Variants in RUFY4 observed in about 807,000 individuals in gnomAD.
RUFY4 encodes the protein RUN and FYVE domain containing 4.
Under a neutral mutation model 69.0 loss-of-function variants are expected in RUFY4, and 73 were observed. The ratio of observed to expected loss-of-function variants is 1.06; its 90% CI spans 0.88 to 1.29. The LOEUF (loss-of-function observed/expected upper bound fraction) is 1.29. RUFY4 is among the 50% of genes most tolerant of loss of function. The pLI is 0.00. For synonymous variants in RUFY4, 287 were observed against 271.8 expected (o/e 1.06, Z -0.55); for missense variants, 770 against 705.6 (o/e 1.09, Z -1.03).
chr2:218,069,824 A>G (rs1233568126), upstream of RUFY4, among the ~76,000 whole-genome samples: 1 of 152,110 alleles, frequency 6.6e-6, no homozygotes, highest in African/African-American at 2.4e-5. Context: ...GGATCTCAGA[A>G]TAAGGCCACC....
At chr2:218,082,769 T>A (rs1284847859) in intron 8 of RUFY4, among the ~76,000 whole-genome samples, 3 of 151,916 alleles carry the variant, frequency 2.0e-5, no homozygotes, top group Admixed American at 1.3e-4. Context: ...ATGTGTTGTG[T>A]GTATTGTGTT....
At chr2:218,087,147 C>T (rs766937524) in intron 9 of RUFY4, among the ~76,000 whole-genome samples, 1 of 151,910 alleles carries the variant, frequency 6.6e-6, no homozygotes, top group Admixed American at 6.6e-5. Context: ...AGAAACAGAA[C>T]ATAAATGCTA....
chr2:218,042,810 CA>C lies in RUFY4; in HGVS notation c.-1158+7425del, dbSNP rs1272555934. 4.0e-5 allele frequency among the ~76,000 whole-genome samples: 6 copies of C among 149,310 alleles called. No individual in the cohort carries two copies. The East Asian group carries it at 9.8e-4, about 24-fold the overall frequency. On this transcript the variant is annotated intron_variant and NMD_transcript_variant, in intron 2 of 13. Coordinates refer to the RUFY4 transcript ENST00000457754. ...TCCAGTTTATAGGGAGATAAAACTT[CA>C]AAAAAAAATGAACAGGACCAGAATT... is the stretch of plus-strand genomic sequence containing the variant.
At chr2:218,066,679 C>T (rs188287738), upstream of RUFY4, among the ~76,000 whole-genome samples, 505 of 152,352 alleles carry the variant, frequency 3.3e-3, 3 homozygotes, top group African/African-American at 0.011. Context: ...TCTTACATTA[C>T]GTGCCACATG....
chr2:218,062,215 T>C (rs569151818), intron 3 of RUFY4, among the ~76,000 whole-genome samples: 15 of 151,466 alleles, frequency 9.9e-5, no homozygotes, highest in South Asian at 8.3e-4. Context: ...CTGGCTAACA[T>C]GGTGAAACCC....
chr2:218,075,641 G>T (rs1407075849), exon 7 of RUFY4: 3 of 1,516,680 alleles, frequency 2.0e-6, no homozygotes, highest in Non-Finnish European at 1.8e-6. Flanking sequence ...ACGCAACAAA[G>T]GAAGACTCTA....
rs574423947 is a variant in RUFY4 at position 218,035,588 on chromosome 2, G to A, written c.-1158+194G>A. Among the ~76,000 whole-genome samples, 160 of 152,260 alleles carry A rather than the reference G, an allele frequency of 1.1e-3. 3 individuals carry two copies. The East Asian group carries it at 0.028, about 27-fold the overall frequency. On this transcript the variant is annotated intron_variant and NMD_transcript_variant, in intron 2 of 13. Transcript: ENST00000457754. Reference sequence around the variant, plus strand: ...CACTGCCACGCCACCCCAAACTCCAGCAGCCACAGCCCGGGAGGCAGGACA... The same window carrying A: ...CACTGCCACGCCACCCCAAACTCCAACAGCCACAGCCCGGGAGGCAGGACA...
intron 7 of RUFY4, 53 bp from the exon 10 acceptor site, chr2:218,076,373 TG>T: frequency 9.1e-6 from 14 of 1,537,646 alleles, no homozygotes; most frequent in Non-Finnish European, 1.1e-5. Flanking sequence ...GCCCCAGCAC[TG>T]GGGTCTCTGC....
At chr2:218,060,229 T>C in intron 3 of RUFY4, 10 of 1,027,986 alleles carry the variant, frequency 9.7e-6, no homozygotes, top group Non-Finnish European at 1.4e-5. Context: ...GCGACCACAG[T>C]GGGGGCTGCA....
chr2:218,081,098 G>A (rs995023080), intron 8 of RUFY4, among the ~76,000 whole-genome samples: 5 of 152,002 alleles, frequency 3.3e-5, no homozygotes, highest in Non-Finnish European at 7.4e-5. Context: ...ATGTCCCCTC[G>A]TGTGCTAGGA....
At chr2:218,086,601 G>A (rs1448421784) in intron 9 of RUFY4, among the ~76,000 whole-genome samples, 3 of 152,182 alleles carry the variant, frequency 2.0e-5, no homozygotes, top group Non-Finnish European at 4.4e-5. Context: ...AGGTGGTGGA[G>A]TAAAGACATT....
At chr2:218,061,828 A>G (rs557255196) in intron 3 of RUFY4, among the ~76,000 whole-genome samples, 1 of 152,354 alleles carries the variant, frequency 6.6e-6, no homozygotes, top group African/African-American at 2.4e-5. Flanking sequence ...GATGCCACTC[A>G]GTTCTTAATC....
chr2:218,073,902 T>C lies in RUFY4; in HGVS notation c.600+17T>C. 1 of 1,613,412 alleles carries C rather than the reference T, an allele frequency of 6.2e-7. No homozygotes were observed. The highest frequency in any genetic ancestry group is 1.1e-5 in the South Asian group (1 of 90,972). ...CCAAAGAAGGTGCCTCTGCCCTGCC[T>C]TCACTCTGAGTTGCCTCTTCCCCAT... is the stretch of plus-strand genomic sequence containing the variant. On this transcript the variant is annotated intron_variant, in intron 6 of 10. Coordinates refer to ENST00000344321, the Ensembl canonical transcript of RUFY4.
intron 3 of RUFY4, chr2:218,059,033 A>T (rs1305660601): frequency 1.3e-5 from 2 of 152,134 alleles, no homozygotes; most frequent in Non-Finnish European, 2.9e-5. Flanking sequence ...CGACACAACA[A>T]ATAACAAAGA....
At chr2:218,048,298 T>C (rs1229839946) in intron 2 of RUFY4, among the ~76,000 whole-genome samples, 1 of 152,216 alleles carries the variant, frequency 6.6e-6, no homozygotes, top group Non-Finnish European at 1.5e-5. Flanking sequence ...CTTTTTCTTG[T>C]AAATTTGTTT....
exon 7 of RUFY4, chr2:218,075,654 G>T: frequency 1.3e-6 from 2 of 1,506,246 alleles, no homozygotes; most frequent in South Asian, 1.4e-5. Context: ...AGACTCTACC[G>T]TGGAGAATCC....
chr2:218,060,352 G>A (rs996206231), intron 3 of RUFY4: 10 of 1,539,362 alleles, frequency 6.5e-6, no homozygotes, highest in Middle Eastern at 1.8e-4. Flanking sequence ...GAGAGTAGTG[G>A]AAGTGTGCCC....
intron 9 of RUFY4, among the ~76,000 whole-genome samples, chr2:218,084,327 A>G (rs1324049325): frequency 6.6e-6 from 1 of 151,274 alleles, no homozygotes; most frequent in African/African-American, 2.4e-5. Context: ...TGCGTCCCGG[A>G]TTCAAGCGGT....
intron 2 of RUFY4, 130 bp downstream of exon 4, chr2:218,070,989 C>T: frequency 1.5e-6 from 1 of 680,088 alleles, no homozygotes; most frequent in South Asian, 1.9e-5. Flanking sequence ...CCTCTCCCTC[C>T]TGACACCTAA....
Sources: allele counts gnomAD v4.1 joint callset (sites outside exome capture counted in the v4.1 genomes callset), GRCh38; gene constraint gnomAD v4.1.1; transcripts MANE v1.5; gene names NCBI Gene and HGNC (gene_info 2026-07-23, HGNC 2026-07-21).